Variants in ARID1B observed in about 807,000 individuals in gnomAD.
ARID1B encodes the protein AT-rich interactive domain-containing protein 1B.
ARID1B carries 30 observed loss-of-function variants against 212.3 expected under a neutral mutation model. That is an observed-to-expected ratio of 0.14 (90% CI 0.11 to 0.19). ARID1B has a LOEUF of 0.19. ARID1B is among the 10% of genes least tolerant of loss of function. The pLI is 1.00. For missense variants in ARID1B, 2,891 were observed against 3,204.0 expected (o/e 0.90, Z 2.36); for synonymous variants, 1,402 against 1,301.7 (o/e 1.08, Z -1.66).
chr6:157,200,309 A>C lies in ARID1B; in HGVS notation c.4480-396A>C, dbSNP rs923752681. Among the ~76,000 whole-genome samples the C allele has an allele frequency of 5.3e-5, 8 of 152,106 alleles. No individual in the cohort carries two copies. Among genetic ancestry groups the C allele is most frequent in the African/African-American group, 1.9e-4 (8 of 41,442 alleles). On this transcript the variant is annotated intron_variant, in intron 17 of 19. Transcript: ENST00000636930. This position sits in a 1 kb window ranked among gnomAD's most constrained non-coding sequence, Gnocchi z 4.3. ...AACCCTTTTACCCCAAGACCCTTTCAGGCCGGCCCCTGGATGCTGGCTTTC... is the reference window on the plus strand; with the variant it reads ...AACCCTTTTACCCCAAGACCCTTTCCGGCCGGCCCCTGGATGCTGGCTTTC...
At position 157,084,813 on chromosome 6, in the gene ARID1B, G is replaced by C. The variant is rs933677112; in HGVS notation, c.2399G>C (p.Ser800Thr). 3 of 1,613,902 alleles carry C rather than the reference G, an allele frequency of 1.9e-6. No homozygotes were observed. In the African/African-American group the frequency reaches 4.0e-5, roughly 22 times the overall value. The change falls in exon 5 of 20, where the codon AGC becomes ACC. Residue 800 changes from serine (S) to threonine (T), a missense_variant. By Grantham distance (58) the Ser-to-Thr change is moderately conservative. Coordinates refer to ENST00000636930, the MANE Select transcript of ARID1B (RefSeq NM_001374828.1). ...CCACATGCGTCCCCTCATCTCTCCA[G>C]CATCCCGGGGGGCCCATCTCCCTCT... Reference protein sequence around the residue: ...FSPHASPHLSSIPGGPSPSPV... With the variant: ...FSPHASPHLSTIPGGPSPSPV...
intron 4 of ARID1B, among the ~76,000 whole-genome samples, chr6:156,959,241 C>T (rs764823321): frequency 3.9e-5 from 6 of 152,186 alleles, no homozygotes; most frequent in South Asian, 2.1e-4. Context: ...TCTAGGACCC[C>T]CACGAGTACC....
intron 4 of ARID1B, among the ~76,000 whole-genome samples, chr6:157,034,342 G>A (rs1015442516): frequency 1.6e-4 from 25 of 152,262 alleles, no homozygotes; most frequent in African/African-American, 6.0e-4. Flanking sequence ...GCAGATTATA[G>A]GCAAAGAATT....
chr6:157,141,664 TATG>T (rs1369651676), intron 7 of ARID1B, among the ~76,000 whole-genome samples: 2 of 152,202 alleles, frequency 1.3e-5, no homozygotes, highest in African/African-American at 4.8e-5. Flanking sequence ...CTTACTTAAA[TATG>T]ATAACCAGCA....
chr6:156,915,654 G>C (rs1790290789), intron 3 of ARID1B, among the ~76,000 whole-genome samples: 1 of 151,868 alleles, frequency 6.6e-6, no homozygotes, highest in Non-Finnish European at 1.5e-5. Flanking sequence ...CCAGCACTTT[G>C]GGAGGCCCAG....
At chr6:157,087,917 T>C (rs952248554) in intron 5 of ARID1B, among the ~76,000 whole-genome samples, 13 of 152,238 alleles carry the variant, frequency 8.5e-5, no homozygotes, top group African/African-American at 2.9e-4. Flanking sequence ...ATTTCTACTG[T>C]TGTCTCTACA....
intron 5 of ARID1B, among the ~76,000 whole-genome samples, chr6:157,099,078 C>T (rs866436759): frequency 2.0e-5 from 3 of 152,164 alleles, no homozygotes; most frequent in Middle Eastern, 3.2e-3. Flanking sequence ...ATTCTCCTGA[C>T]TCAGCCTCCC....
chr6:157,021,437 T>TCACA (rs1045420407), intron 4 of ARID1B, among the ~76,000 whole-genome samples: 3 of 151,992 alleles, frequency 2.0e-5, no homozygotes, highest in African/African-American at 4.8e-5. Context: ...GGGGACCGAG[T>TCACA]CACACAGCAG....
chr6:156,818,702 T>G (rs1204243399), intron 1 of ARID1B, among the ~76,000 whole-genome samples: 1 of 152,160 alleles, frequency 6.6e-6, no homozygotes, highest in Non-Finnish European at 1.5e-5. Flanking sequence ...CTCTTTCCAT[T>G]TTACTGGAGA....
At chr6:156,868,570 T>C (rs1169617396) in intron 2 of ARID1B, among the ~76,000 whole-genome samples, 1 of 152,198 alleles carries the variant, frequency 6.6e-6, no homozygotes, top group Admixed American at 6.5e-5. Context: ...TTGGGCTGTG[T>C]CCTCCTATGG....
chr6:157,114,011 T>C lies in ARID1B; in HGVS notation c.2581+3450T>C, dbSNP rs114765788. Among the ~76,000 whole-genome samples the C allele has an allele frequency of 8.7e-3, 1,326 of 152,304 alleles. 27 individuals carry two copies. Among genetic ancestry groups the C allele is most frequent in the African/African-American group, 0.03 (1,250 of 41,552 alleles). ...TTGGCACAATAATAGAAACATCTGT[T>C]TGTTGGACCATCATTTGGTATGTAC... On this transcript the variant is annotated intron_variant, in intron 6 of 19. Coordinates refer to ENST00000636930, the MANE Select transcript of ARID1B (RefSeq NM_001374828.1).
intron 2 of ARID1B, chr6:156,871,626 G>A (rs1255361214): frequency 1.9e-6 from 3 of 1,612,494 alleles, no homozygotes; most frequent in South Asian, 1.1e-5. Flanking sequence ...CTCTGGAGAT[G>A]CCACATGGAA....
At chr6:156,991,886 G>T (rs115380395) in intron 4 of ARID1B, among the ~76,000 whole-genome samples, 1,663 of 152,156 alleles carry the variant, frequency 0.011, 26 homozygotes, top group African/African-American at 0.038. Flanking sequence ...TTGTTCAAGT[G>T]TATATTTAAA....
chr6:156,790,769 C>G (rs889551397), intron 1 of ARID1B, among the ~76,000 whole-genome samples: 1 of 152,172 alleles, frequency 6.6e-6, no homozygotes, highest in African/African-American at 2.4e-5. Context: ...CTCTGCAATC[C>G]TGACTTTTCC....
At chr6:156,935,117 A>G (rs1306955260) in intron 3 of ARID1B, among the ~76,000 whole-genome samples, 1 of 151,674 alleles carries the variant, frequency 6.6e-6, no homozygotes. Flanking sequence ...TGTTTGACAC[A>G]GGGTCTCGCT....
chr6:156,788,370 C>T (rs1779787555), intron 1 of ARID1B, among the ~76,000 whole-genome samples: 1 of 152,068 alleles, frequency 6.6e-6, no homozygotes, highest in Non-Finnish European at 1.5e-5. Context: ...TTTGGTTTAC[C>T]CACAGAGCCT....
intron 2 of ARID1B, among the ~76,000 whole-genome samples, chr6:156,836,734 G>C (rs1398294135): frequency 6.6e-6 from 1 of 151,618 alleles, no homozygotes; most frequent in Non-Finnish European, 1.5e-5. Flanking sequence ...GCACGATCAC[G>C]GCTCACTGCA....
chr6:157,110,077 C>T (rs1283280030), intron 5 of ARID1B, among the ~76,000 whole-genome samples: 1 of 152,134 alleles, frequency 6.6e-6, no homozygotes, highest in East Asian at 1.9e-4. Flanking sequence ...TGGATATTAC[C>T]ATGAGTAATT....
At chr6:156,865,239 A>C (rs903717771) in intron 2 of ARID1B, among the ~76,000 whole-genome samples, 1 of 152,114 alleles carries the variant, frequency 6.6e-6, no homozygotes, top group Non-Finnish European at 1.5e-5. Flanking sequence ...CCAATCCTTC[A>C]GTAGCTTTCT....
Sources: allele counts gnomAD v4.1 joint callset (sites outside exome capture counted in the v4.1 genomes callset), GRCh38; gene constraint gnomAD v4.1.1; non-coding constraint Gnocchi (gnomAD v3.1); transcripts MANE v1.5; gene names NCBI Gene and HGNC (gene_info 2026-07-23, HGNC 2026-07-21).